Variants in TEAD1 observed in about 807,000 individuals in gnomAD.
The protein encoded by TEAD1 is TEA domain transcription factor 1.
A neutral mutation model predicts 54.9 loss-of-function variants in TEAD1; 9 were observed. The ratio of observed to expected loss-of-function variants is 0.16; its 90% CI spans 0.10 to 0.29. The LOEUF (loss-of-function observed/expected upper bound fraction) is 0.29, where lower values mean the gene tolerates loss of function less well. TEAD1 is among the 10% of genes least tolerant of loss of function. The probability of loss-of-function intolerance (pLI) is 1.00; values close to 1 mark genes in which losing one functional copy is unlikely to be tolerated. For missense variants in TEAD1, 387 were observed against 535.9 expected (o/e 0.72, Z 2.74); for synonymous variants, 200 against 187.8 (o/e 1.07, Z -0.53).
chr11:12,760,843 G>A (rs758419660), intron 2 of TEAD1, among the ~76,000 whole-genome samples: 3 of 152,100 alleles, frequency 2.0e-5, no homozygotes, highest in Admixed American at 1.3e-4. Flanking sequence ...GGTTATTTTG[G>A]TATCCAGTAT....
intron 3 of TEAD1, among the ~76,000 whole-genome samples, chr11:12,792,981 G>T (rs1294424519): frequency 6.6e-6 from 1 of 151,948 alleles, no homozygotes; most frequent in African/African-American, 2.4e-5. Flanking sequence ...TGAGCCAGGA[G>T]TTTGGGGCTG....
chr11:12,727,000 G>A (rs1944326233), intron 2 of TEAD1, among the ~76,000 whole-genome samples: 1 of 152,100 alleles, frequency 6.6e-6, no homozygotes, highest in Admixed American at 6.5e-5. Context: ...AGCACTTTGG[G>A]AGCCTGAGGC....
intron 3 of TEAD1, among the ~76,000 whole-genome samples, chr11:12,768,932 G>A (rs915261047): frequency 6.6e-6 from 1 of 152,168 alleles, no homozygotes; most frequent in Non-Finnish European, 1.5e-5. Context: ...CTGGCCTGTT[G>A]CTGGCAGGAA....
intron 3 of TEAD1, among the ~76,000 whole-genome samples, chr11:12,820,495 A>G (rs1432827091): frequency 1.3e-5 from 2 of 152,194 alleles, no homozygotes; most frequent in Non-Finnish European, 2.9e-5. Context: ...GTTACAGGTC[A>G]GACATGTCAC....
chr11:12,854,298 G>A (rs994341493), intron 3 of TEAD1, among the ~76,000 whole-genome samples: 1 of 152,080 alleles, frequency 6.6e-6, no homozygotes. Flanking sequence ...TACTCCATCA[G>A]TCTGTAGCCA....
rs1308791909 is a variant in TEAD1, at chr11:12,943,006, T to G, written c.*5784T>G. ...CAAAAAGAAACTAGGAAAAAAAGAT[T>G]TTCTTTGCTAATATAGATGTAAAAA... On this transcript the variant is annotated 3_prime_UTR_variant, in exon 13 of 13. Transcript: ENST00000527636. 2 of 152,174 alleles carry G rather than the reference T, an allele frequency of 1.3e-5. No homozygotes were observed. The highest frequency in any genetic ancestry group is 4.8e-5 in the African/African-American group (2 of 41,434). 9.4% of individuals were successfully genotyped at this position (152,174 alleles called of 1,614,324 possible). A position where few individuals can be genotyped will look rare whatever the true frequency, so the allele number is the denominator to read the frequency against.
At chr11:12,815,720 A>T (rs1297290271) in intron 3 of TEAD1, among the ~76,000 whole-genome samples, 3 of 152,234 alleles carry the variant, frequency 2.0e-5, no homozygotes, top group Non-Finnish European at 4.4e-5. Flanking sequence ...ATATATGTGT[A>T]TGTGTTACTT....
Position 12,937,248 on chromosome 11 carries a change from T to A in TEAD1, c.*26T>A. ...ACATGGTTATTTATATATATAGATA[T>A]CTGTATATACACACACACATATGTG... On this transcript the variant is annotated 3_prime_UTR_variant, in exon 13 of 13. Transcript: ENST00000527636. 1.4e-6 allele frequency: 2 copies of A among 1,478,122 alleles called. No individual in the cohort carries two copies. Among genetic ancestry groups the A allele is most frequent in the Non-Finnish European group, 1.9e-6 (2 of 1,060,086 alleles). 91.6% of individuals were successfully genotyped at this position (1,478,122 alleles called of 1,614,324 possible). A position where few individuals can be genotyped will look rare whatever the true frequency, so the allele number is the denominator to read the frequency against.
At chr11:12,725,706 A>G (rs1214614253) in intron 2 of TEAD1, among the ~76,000 whole-genome samples, 1 of 152,248 alleles carries the variant, frequency 6.6e-6, no homozygotes, top group Non-Finnish European at 1.5e-5. Flanking sequence ...TGGAGACTTA[A>G]AAGCAAAATG....
chr11:12,738,766 C>G (rs973740600), intron 2 of TEAD1, among the ~76,000 whole-genome samples: 1 of 152,164 alleles, frequency 6.6e-6, no homozygotes, highest in Non-Finnish European at 1.5e-5. Flanking sequence ...CTCTGAAAAT[C>G]AGAGCAGTAT....
chr11:12,745,050 G>T (rs1944719809), intron 2 of TEAD1, among the ~76,000 whole-genome samples: 1 of 152,172 alleles, frequency 6.6e-6, no homozygotes, highest in South Asian at 2.1e-4. Flanking sequence ...CAGGGAGTGT[G>T]GTGGCATTGC....
chr11:12,700,891 C>T (rs527653466), intron 2 of TEAD1, among the ~76,000 whole-genome samples: 46 of 152,290 alleles, frequency 3.0e-4, no homozygotes, highest in African/African-American at 8.7e-4. Flanking sequence ...CGATCACAGT[C>T]GCTCCACTGC....
chr11:12,832,744 T>C (rs950582967), intron 3 of TEAD1, among the ~76,000 whole-genome samples: 1 of 152,240 alleles, frequency 6.6e-6, no homozygotes, highest in African/African-American at 2.4e-5. Context: ...TTTTAACAAA[T>C]AAGAAGAAGT....
chr11:12,876,492 G>A (rs1233315608), intron 5 of TEAD1, among the ~76,000 whole-genome samples: 1 of 152,118 alleles, frequency 6.6e-6, no homozygotes, highest in African/African-American at 2.4e-5. Context: ...AACTCTTCGG[G>A]TCTGTGAGAG....
At chr11:12,693,177 T>C (rs1461032218) in intron 2 of TEAD1, among the ~76,000 whole-genome samples, 2 of 152,238 alleles carry the variant, frequency 1.3e-5, no homozygotes, top group African/African-American at 4.8e-5. Flanking sequence ...GCTTAGTACT[T>C]TTAAAGAACT....
chr11:12,872,476 T>A (rs1031110499), intron 5 of TEAD1, among the ~76,000 whole-genome samples: 4 of 152,202 alleles, frequency 2.6e-5, no homozygotes, highest in Non-Finnish European at 5.9e-5. Flanking sequence ...CTCAAAGATA[T>A]TTTTATTACC....
At chr11:12,851,588 G>A (rs1947275801) in intron 3 of TEAD1, among the ~76,000 whole-genome samples, 1 of 149,176 alleles carries the variant, frequency 6.7e-6, no homozygotes, top group Admixed American at 6.7e-5. Context: ...GAGGTCAGGA[G>A]TTCGAGACCA....
chr11:12,877,358 T>G (rs943348618), intron 5 of TEAD1, among the ~76,000 whole-genome samples: 1 of 152,246 alleles, frequency 6.6e-6, no homozygotes, highest in African/African-American at 2.4e-5. Flanking sequence ...ATATAAGACA[T>G]AAAAATTAAT....
chr11:12,820,264 G>A (rs917235137), intron 3 of TEAD1, among the ~76,000 whole-genome samples: 2 of 152,244 alleles, frequency 1.3e-5, no homozygotes, highest in Admixed American at 1.3e-4. Flanking sequence ...TGTTGCTGTG[G>A]GGAAGTGGAG....
Sources: allele counts gnomAD v4.1 joint callset (sites outside exome capture counted in the v4.1 genomes callset), GRCh38; gene constraint gnomAD v4.1.1; transcripts MANE v1.5; gene names NCBI Gene and HGNC (gene_info 2026-07-23, HGNC 2026-07-21).